Variants in GREM1 observed in about 807,000 individuals in gnomAD.
GREM1 encodes the protein gremlin-1.
Under a neutral mutation model 13.1 loss-of-function variants are expected in GREM1, and 6 were observed. The ratio of observed to expected loss-of-function variants is 0.46; its 90% confidence interval spans 0.25 to 0.91. The LOEUF is 0.91. GREM1 is among the 40% of genes least tolerant of loss of function. GREM1 has a pLI of 0.18. For missense variants in GREM1, 185 were observed against 233.9 expected (o/e 0.79, Z 1.36); for synonymous variants, 98 against 93.7 (o/e 1.05, Z -0.27).
At chr15:32,725,633 T>C (rs2055489163) in intron 1 of GREM1, among the ~76,000 whole-genome samples, 1 of 152,238 alleles carries the variant, frequency 6.6e-6, no homozygotes, top group African/African-American at 2.4e-5. Context: ...AGAAGCTGTT[T>C]AGTTTAATTA....
Position 32,736,650 on chromosome 15 carries a change from C to T in GREM1, c.*5405C>T, listed in dbSNP as rs868856482. 1 of 152,120 alleles carries T rather than the reference C, an allele frequency of 6.6e-6. No individual in the cohort carries two copies. Among genetic ancestry groups the T allele is most frequent in the Non-Finnish European group, 1.5e-5 (1 of 68,036 alleles). 9.4% of individuals were successfully genotyped at this position (152,120 alleles called of 1,614,324 possible). ...AAATCCGTGTACAACTATTAGATGACTACTAACCAAGCAGAGACTTCAGTG... is the reference window on the plus strand; with the variant it reads ...AAATCCGTGTACAACTATTAGATGATTACTAACCAAGCAGAGACTTCAGTG... On this transcript the variant is annotated 3_prime_UTR_variant, in exon 2 of 2. Transcript: ENST00000651154.
At position 32,731,745 on chromosome 15, in the gene GREM1, G is replaced by A. The variant is rs2055623489; in HGVS notation, c.*500G>A. On this transcript the variant is annotated 3_prime_UTR_variant, in exon 2 of 2. Transcript: ENST00000651154. ...CTCCTCACAATCCATCTCTTCTTAA[G>A]TTGATAGTGACTATGTCAGTCTAAT... 4.1e-6 allele frequency: 1 copy of A among 245,962 alleles called. No homozygotes were observed. The highest frequency in any genetic ancestry group is 6.4e-5 in the East Asian group (1 of 15,646). The allele number at this position is 245,962 out of a possible 1,614,324, so 15.2% of individuals were successfully genotyped here. A position where few individuals can be genotyped will look rare whatever the true frequency, so the allele number is the denominator to read the frequency against.
rs1362321191 is a variant in GREM1, at chr15:32,731,017, C to T, written c.327C>T (p.Asn109=). 6.2e-7 allele frequency: 1 copy of T among 1,614,216 alleles called. No individual in the cohort carries two copies. Among genetic ancestry groups the T allele is most frequent in the East Asian group, 2.2e-5 (1 of 44,868 alleles). The part of the protein sequence containing the change: ...LKQTIHEEGC[N]SRTIINRFCY... The stretch of plus-strand genomic sequence containing the variant: ...AGACCATCCACGAGGAAGGCTGCAA[C>T]AGTCGCACCATCATCAACCGCTTCT... Residue 109 remains asparagine (N), a synonymous_variant, in exon 2 of 2, where the codon AAC becomes AAT. Coordinates refer to ENST00000651154, the MANE Select transcript of GREM1 (RefSeq NM_013372.7).
rs28436730 is a variant in GREM1, at chr15:32,743,909, C to T, written c.*12664C>T. The stretch of plus-strand genomic sequence containing the variant: ...ACCGTATTAGCAAGTTCCTCAGTTC[C>T]TCACCATGTGAACCTCTCTTCACGA... On this transcript the variant is annotated 3_prime_UTR_variant, in exon 2 of 2. Coordinates refer to ENST00000651154, the MANE Select transcript of GREM1 (RefSeq NM_013372.7). The T allele has an allele frequency of 0.087, 13,244 of 152,214 alleles. 603 individuals are homozygous for T. The highest frequency in any genetic ancestry group is 0.13 in the Middle Eastern group (39 of 294). 9.4% of individuals were successfully genotyped at this position (152,214 alleles called of 1,614,324 possible).
In GREM1 at chr15:32,737,714, G is replaced by C. The variant is rs1420487129; in HGVS notation, c.*6469G>C. 6.6e-6 allele frequency: 1 copy of C among 151,596 alleles called. No individual in the cohort carries two copies. The highest frequency in any genetic ancestry group is 2.4e-5 in the African/African-American group (1 of 41,194). 9.4% of individuals were successfully genotyped at this position (151,596 alleles called of 1,614,324 possible). ...GGCTGAGCCAGGCGGATCACCTGAG[G>C]TCAGGAGTTCGAGACCAACCTGACC... On this transcript the variant is annotated 3_prime_UTR_variant, in exon 2 of 2. Coordinates refer to ENST00000651154, the MANE Select transcript of GREM1 (RefSeq NM_013372.7).
chr15:32,734,081 G>T lies in GREM1; in HGVS notation c.*2836G>T, dbSNP rs2055665885. 4 of 243,508 alleles carry T rather than the reference G, an allele frequency of 1.6e-5. No homozygotes were observed. The East Asian group carries it at 2.5e-4, about 15-fold the overall frequency. 15.1% of individuals were successfully genotyped at this position (243,508 alleles called of 1,614,324 possible). A position where few individuals can be genotyped will look rare whatever the true frequency, so the allele number is the denominator to read the frequency against. The stretch of plus-strand genomic sequence containing the variant: ...TATGACTTTCTCTGAGTTGGGCAAA[G>T]AAGAAGCTGACACACCGTATGTTGT... On this transcript the variant is annotated 3_prime_UTR_variant, in exon 2 of 2. Coordinates refer to ENST00000651154, the MANE Select transcript of GREM1 (RefSeq NM_013372.7).
rs1284846391 is a variant in GREM1 at position 32,730,783 on chromosome 15, T to G, written c.93T>G (p.Gly31=). The part of the protein sequence containing the change: ...AAEGKKKGSQ[G]AIPPPDKAQH... ...AAGGGAAAAAGAAAGGGTCCCAAGG[T>G]GCCATCCCCCCGCCAGACAAGGCCC... is the stretch of plus-strand genomic sequence containing the variant. Residue 31 remains glycine (G), a synonymous_variant, in exon 2 of 2, where the codon GGT becomes GGG. Transcript: ENST00000651154. The G allele has an allele frequency of 3.1e-6, 5 of 1,613,472 alleles. No individual in the cohort carries two copies. The East Asian group carries it at 1.1e-4, about 36-fold the overall frequency.
At chr15:32,729,086 C>T (rs929975772) in intron 1 of GREM1, among the ~76,000 whole-genome samples, 4 of 151,406 alleles carry the variant, frequency 2.6e-5, no homozygotes, top group Admixed American at 1.3e-4. Context: ...TGCAGTGGCG[C>T]GATCTCGGCT....
intron 1 of GREM1, among the ~76,000 whole-genome samples, chr15:32,726,811 A>G (rs113842268): frequency 3.2e-3 from 494 of 152,188 alleles, no homozygotes; most frequent in Non-Finnish European, 5.8e-3. Context: ...CACAATAAAA[A>G]GTGATAAAGG....
Position 32,738,083 on chromosome 15 carries a change from C to CCAAAAAAAA in GREM1, c.*6838_*6839insCAAAAAAAA. On this transcript the variant is annotated 3_prime_UTR_variant, in exon 2 of 2. Coordinates refer to ENST00000651154, the MANE Select transcript of GREM1 (RefSeq NM_013372.7). ...GGAGGTTCTACCTAGGGTAATTAGGCAAAAAAAAAAAAAAAAAAAAAAAAA... is the reference window on the plus strand; with the variant it reads ...GGAGGTTCTACCTAGGGTAATTAGGCCAAAAAAAAAAAAAAAAAAAAAAAAAAAAAAAAA... 5.3e-5 allele frequency: 1 copy of CCAAAAAAAA among 18,910 alleles called. No homozygotes were observed. 1.2% of individuals were successfully genotyped at this position (18,910 alleles called of 1,614,324 possible). A position where few individuals can be genotyped will look rare whatever the true frequency, so the allele number is the denominator to read the frequency against.
chr15:32,724,789 GC>G (rs1275722480), intron 1 of GREM1, among the ~76,000 whole-genome samples: 1 of 150,798 alleles, frequency 6.6e-6, no homozygotes, highest in Non-Finnish European at 1.5e-5. Flanking sequence ...CCCTTCCCTA[GC>G]CCCCCACCCC....
chr15:32,718,109 A>T lies in GREM1; in HGVS notation c.-54A>T. 7.9e-7 allele frequency: 1 copy of T among 1,262,644 alleles called. No individual in the cohort carries two copies. The highest frequency in any genetic ancestry group is 1.0e-6 in the Non-Finnish European group (1 of 984,124). 78.2% of individuals were successfully genotyped at this position (1,262,644 alleles called of 1,614,324 possible). ...CCCCGGCGGCTCTGGCCGCGGCCGCACTCAGCGCCACGCGTCGAAAGCGCA... is the reference window on the plus strand; with the variant it reads ...CCCCGGCGGCTCTGGCCGCGGCCGCTCTCAGCGCCACGCGTCGAAAGCGCA... On this transcript the variant is annotated 5_prime_UTR_variant, in exon 1 of 2. Transcript: ENST00000651154.
chr15:32,726,124 G>A (rs1439201176), intron 1 of GREM1, among the ~76,000 whole-genome samples: 1 of 151,876 alleles, frequency 6.6e-6, no homozygotes, highest in Non-Finnish European at 1.5e-5. Context: ...CTCTTTTTTG[G>A]TTCTATATGA....
chr15:32,726,046 A>G (rs1300816413), intron 1 of GREM1, among the ~76,000 whole-genome samples: 5 of 152,124 alleles, frequency 3.3e-5, no homozygotes, highest in Non-Finnish European at 7.3e-5. Context: ...GTAGCCTTGT[A>G]GTACAGTTTG....
intron 1 of GREM1, among the ~76,000 whole-genome samples, chr15:32,724,884 C>T (rs895392839): frequency 1.3e-4 from 19 of 151,288 alleles, no homozygotes; most frequent in African/African-American, 3.4e-4. Flanking sequence ...TGAGAGCATG[C>T]GGTGTTTGGT....
Position 32,734,940 on chromosome 15 carries a change from C to A in GREM1, c.*3695C>A, listed in dbSNP as rs2055678502. The A allele has an allele frequency of 6.3e-6, 1 of 159,806 alleles. No homozygotes were observed. Among genetic ancestry groups the A allele is most frequent in the African/African-American group, 2.4e-5 (1 of 41,628 alleles). 9.9% of individuals were successfully genotyped at this position (159,806 alleles called of 1,614,324 possible). A position where few individuals can be genotyped will look rare whatever the true frequency, so the allele number is the denominator to read the frequency against. On this transcript the variant is annotated 3_prime_UTR_variant, in exon 2 of 2. Transcript: ENST00000651154. ...GAACTATAGAGTGTTATAAGGGAGG[C>A]CCTGAGATGGAAGGACCATCACACA... is the stretch of plus-strand genomic sequence containing the variant.
rs7170354 is a variant in GREM1, at chr15:32,743,887, G to C, written c.*12642G>C. ...AGTTCTGCAAGGATTTTTAGGAACC[G>C]TATTAGCAAGTTCCTCAGTTCCTCA... On this transcript the variant is annotated 3_prime_UTR_variant, in exon 2 of 2. Coordinates refer to ENST00000651154, the MANE Select transcript of GREM1 (RefSeq NM_013372.7). 0.91 allele frequency: 138,381 copies of C among 152,084 alleles called. 63,447 individuals are homozygous for C. The highest frequency in any genetic ancestry group is 0.97 in the Non-Finnish European group (65,898 of 68,016). 9.4% of individuals were successfully genotyped at this position (152,084 alleles called of 1,614,324 possible).
chr15:32,743,585 T>A lies in GREM1; in HGVS notation c.*12340T>A, dbSNP rs1347107667. ...GGTGGTTCTGGGTCAGAATCTCTGG[T>A]GAGTGTGTAGGCAAGGTGTCAGTAG... On this transcript the variant is annotated 3_prime_UTR_variant, in exon 2 of 2. Coordinates refer to ENST00000651154, the MANE Select transcript of GREM1 (RefSeq NM_013372.7). 1 of 152,232 alleles carries A rather than the reference T, an allele frequency of 6.6e-6. No homozygotes were observed. Among genetic ancestry groups the A allele is most frequent in the Non-Finnish European group, 1.5e-5 (1 of 68,076 alleles). The allele number at this position is 152,232 out of a possible 1,614,324, so 9.4% of individuals were successfully genotyped here.
intron 1 of GREM1, among the ~76,000 whole-genome samples, chr15:32,724,735 C>A (rs866527310): frequency 6.6e-6 from 1 of 151,880 alleles, no homozygotes; most frequent in Admixed American, 6.6e-5. Context: ...GTTTGCTGCA[C>A]CCATCAACCC....
Sources: gnomAD v4.1 joint callset for allele counts (sites outside exome capture counted in the v4.1 genomes callset) on GRCh38, gnomAD v4.1.1 for gene constraint, MANE v1.5 for transcripts, NCBI Gene and HGNC (gene_info 2026-07-23, HGNC 2026-07-21) for gene names.